NLRP2: variants seen among roughly 807,000 people sequenced by gnomAD.
NLRP2 encodes NACHT, LRR and PYD domains-containing protein 2.
A neutral mutation model predicts 97.2 loss-of-function variants in NLRP2; 107 were observed. The ratio of observed to expected loss-of-function variants is 1.10; its 90% confidence interval spans 0.94 to 1.29. NLRP2 has a LOEUF of 1.29. Ranked by LOEUF, NLRP2 falls within the 50% of genes most tolerant of loss-of-function variation. NLRP2 has a pLI of 0.00. For missense variants in NLRP2, 1,495 were observed against 1,330.3 expected, an observed-to-expected ratio of 1.12 and a Z score of -1.93; for synonymous variants, 663 against 551.5, an observed-to-expected ratio of 1.20 and a Z score of -2.83.
rs761103070 is a variant in NLRP2, at chr19:54,982,500, G to A, written c.802G>A (p.Glu268Lys). The A allele has an allele frequency of 6.2e-7, 1 of 1,614,214 alleles. No homozygotes were observed. The highest frequency in any genetic ancestry group is 2.2e-5 in the East Asian group (1 of 44,886). The change falls in exon 6 of 13, where the codon GAA becomes AAA. Residue 268 changes from glutamate to lysine, a missense_variant. Physicochemically the swap from Glu to Lys is moderately conservative, Grantham distance 56. Coordinates refer to ENST00000448584, the MANE Select transcript of NLRP2 (RefSeq NM_017852.5). ...AGAGCTGGTCTTCAGGGACTGGCCT[G>A]AATTGCAGGATGACATTCCACACAT... The part of the protein sequence containing the change: ...FAELVFRDWP[E>K]LQDDIPHILA...
At chr19:54,980,319 C>T (rs1022020367) in intron 4 of NLRP2, among the ~76,000 whole-genome samples, 8 of 152,048 alleles carry the variant, frequency 5.3e-5, no homozygotes, top group African/African-American at 1.9e-4. Context: ...CCTCAGCCTC[C>T]CCAGTAGCTG....
chr19:54,970,101 T>C lies in NLRP2; in HGVS notation c.86T>C (p.Leu29Pro). The part of the protein sequence containing the change: ...SQDELSKFKY[L>P]ITTFSLAHEL... ...GATGAGTTGAGCAAGTTCAAGTATCTGATCACGACCTTCTCCCTGGCACAC... is the reference window on the plus strand; with the variant it reads ...GATGAGTTGAGCAAGTTCAAGTATCCGATCACGACCTTCTCCCTGGCACAC... The change falls in exon 2 of 13, where the codon CTG becomes CCG. Residue 29 changes from leucine to proline, a missense_variant. Coordinates refer to ENST00000448584, the MANE Select transcript of NLRP2 (RefSeq NM_017852.5). The C allele has an allele frequency of 6.2e-7, 1 of 1,614,104 alleles. No homozygotes were observed. Among genetic ancestry groups the C allele is most frequent in the Non-Finnish European group, 8.5e-7 (1 of 1,180,024 alleles).
At position 54,981,618 on chromosome 19, in the gene NLRP2, G is replaced by C. The variant is rs145145515; in HGVS notation, c.399G>C (p.Ala133=). The change falls in exon 5 of 13, where the codon GCG becomes GCC. Residue 133 remains alanine (A), a splice_region_variant and synonymous_variant. Coordinates refer to ENST00000448584, the MANE Select transcript of NLRP2 (RefSeq NM_017852.5). The stretch of plus-strand genomic sequence containing the variant: ...CTCACATGAGTTTGTATTTTGTAGC[G>C]TTTACAGAAACGAAAGGAAATGTCA... The part of the protein sequence containing the change: ...MLERFKTEAQ[A]FTETKGNVIC... The C allele has an allele frequency of 2.3e-4, 354 of 1,517,590 alleles. No individual in the cohort carries two copies. In the African/African-American group the frequency reaches 3.6e-3, roughly 15 times the overall value. 94.0% of individuals were successfully genotyped at this position (1,517,590 alleles called of 1,614,324 possible).
In NLRP2 at chr19:54,983,698, CTGCG is replaced by C. The variant is rs1568503430; in HGVS notation, c.2002_2005del (p.Ala668LeufsTer33). The C allele has an allele frequency of 6.2e-7, 1 of 1,612,970 alleles. No homozygotes were observed. Among genetic ancestry groups the C allele is most frequent in the South Asian group, 1.1e-5 (1 of 91,036 alleles). ...AAGGAGAATCTCCCGGAGAATGTCA[CTGCG>C]TCTGAATCAGACGCCGAGGTTGAGA... is the stretch of plus-strand genomic sequence containing the variant. On this transcript the variant is annotated frameshift_variant, in exon 6 of 13. Transcript: ENST00000448584. LOFTEE classifies it high-confidence loss of function.
rs1602314242 is a variant in NLRP2, at chr19:54,973,946, G to A, written c.281-554G>A. On this transcript the variant is annotated intron_variant, in intron 2 of 12. Coordinates refer to ENST00000448584, the MANE Select transcript of NLRP2 (RefSeq NM_017852.5). ...GTAGTGTTATGACAGGAAGCAGAGT[G>A]GCTATGGTGGGCAGACTAAGCCGAT... is the stretch of plus-strand genomic sequence containing the variant. 1.1e-5 allele frequency: 9 copies of A among 850,272 alleles called. No individual in the cohort carries two copies. The East Asian group carries it at 2.6e-4, about 25-fold the overall frequency. The allele number at this position is 850,272 out of a possible 1,614,324, so 52.7% of individuals were successfully genotyped here. A position where few individuals can be genotyped will look rare whatever the true frequency, so the allele number is the denominator to read the frequency against.
rs749684265 is a variant in NLRP2, at chr19:54,976,810, C to CT, written c.326-941dup. On this transcript the variant is annotated intron_variant, in intron 3 of 12. Transcript: ENST00000448584. ...TTATTAGGATTCCACCTTGTTCTCT[C>CT]TCTTTTTTTTTTTTTTTTTGATACG... The CT allele has an allele frequency of 2.4e-3, 757 of 319,916 alleles. 53 individuals are homozygous for CT. The highest frequency in any genetic ancestry group is 0.011 in the African/African-American group (279 of 24,730). 19.8% of individuals were successfully genotyped at this position (319,916 alleles called of 1,614,324 possible).
intron 6 of NLRP2, among the ~76,000 whole-genome samples, chr19:54,984,349 T>TTTTTTTTTTTTTTTTTC: frequency 7.5e-6 from 1 of 132,886 alleles, no homozygotes; most frequent in Non-Finnish European, 1.5e-5. Context: ...TTTTTTTTTT[T>TTTTTTTTTTTTTTTTTC]TTTGGAAAGA....
At chr19:54,979,811 CTG>C (rs1281501202) in intron 4 of NLRP2, among the ~76,000 whole-genome samples, 6 of 152,076 alleles carry the variant, frequency 3.9e-5, no homozygotes, top group Non-Finnish European at 8.8e-5. Context: ...GAGTCTCACT[CTG>C]TTGCCCAGAC....
chr19:54,974,990 G>A (rs377254531), intron 3 of NLRP2, among the ~76,000 whole-genome samples: 2 of 151,614 alleles, frequency 1.3e-5, no homozygotes, highest in South Asian at 2.1e-4. Flanking sequence ...TTGTAGAGAT[G>A]GGGTTTCACC....
intron 3 of NLRP2, chr19:54,976,927 G>GC: frequency 2.6e-6 from 1 of 387,378 alleles, no homozygotes; most frequent in Non-Finnish European, 5.0e-6. Flanking sequence ...CAATTCCCTT[G>GC]CCTCAGCCTC....
In NLRP2 at chr19:54,983,682, C is replaced by G; in HGVS notation, c.1984C>G (p.Leu662Val). ...KMSLQVIKENLPENVTASESD... is the reference protein window; with the variant it reads ...KMSLQVIKENVPENVTASESD... ...GTCACTGCAGGTAATAAAGGAGAAT[C>G]TCCCGGAGAATGTCACTGCGTCTGA... Residue 662 changes from leucine (L) to valine (V), a missense_variant, in exon 6 of 13, where the codon CTC (leucine) becomes GTC (valine). Leu to Val is a conservative substitution (Grantham distance 32). Coordinates refer to ENST00000448584, the MANE Select transcript of NLRP2 (RefSeq NM_017852.5). 6.2e-7 allele frequency: 1 copy of G among 1,613,802 alleles called. No individual in the cohort carries two copies. The highest frequency in any genetic ancestry group is 8.5e-7 in the Non-Finnish European group (1 of 1,180,026).
chr19:54,994,735 C>A (rs542769429), intron 11 of NLRP2, among the ~76,000 whole-genome samples: 2 of 151,794 alleles, frequency 1.3e-5, no homozygotes, highest in South Asian at 4.2e-4. Flanking sequence ...TTCAGCTTCC[C>A]GAGTAGCTGG....
intron 11 of NLRP2, among the ~76,000 whole-genome samples, chr19:54,994,793 T>C (rs1349722108): frequency 6.6e-6 from 1 of 151,600 alleles, no homozygotes. Flanking sequence ...GTATTTTTAG[T>C]AGAGACAGGG....
intron 4 of NLRP2, 108 bp from the exon 5 acceptor site, chr19:54,981,509 G>GCCAC: frequency 7.8e-6 from 3 of 386,504 alleles, no homozygotes; most frequent in South Asian, 2.1e-5. Context: ...CTGATCCCGT[G>GCCAC]CCCCCCCTCC....
chr19:54,995,975 A>G (rs954578149), intron 11 of NLRP2, among the ~76,000 whole-genome samples: 3 of 146,992 alleles, frequency 2.0e-5, no homozygotes, highest in Non-Finnish European at 4.5e-5. Context: ...GGGAGGAAGA[A>G]GTTACAGCGA....
chr19:54,992,512 GGTGTGTGGT>G lies in NLRP2; in HGVS notation c.2709-1747_2709-1739del, dbSNP rs201603547. 7.1e-3 allele frequency among the ~76,000 whole-genome samples: 979 copies of G among 138,262 alleles called. 14 individuals carry two copies. Among genetic ancestry groups the G allele is most frequent in the African/African-American group, 0.025 (912 of 35,864 alleles). The allele number at this position is 138,262 out of a possible 152,430, so 90.7% of individuals were successfully genotyped here. A position where few individuals can be genotyped will look rare whatever the true frequency, so the allele number is the denominator to read the frequency against. ...AGTTTTTTTGGTTGTGTGTGTGTGTGGTGTGTGGTGTGTGTGGTATTTTTTTGGGGGGGG... is the reference window on the plus strand; with the variant it reads ...AGTTTTTTTGGTTGTGTGTGTGTGTGGTGTGTGGTATTTTTTTGGGGGGGG... On this transcript the variant is annotated intron_variant, in intron 10 of 12. Transcript: ENST00000448584.
intron 12 of NLRP2, among the ~76,000 whole-genome samples, chr19:54,998,538 A>AGTTTGTTT (rs150262560): frequency 0.016 from 2,357 of 144,826 alleles, 74 homozygotes; most frequent in African/African-American, 0.057. Flanking sequence ...TTAAGCTTTA[A>AGTTTGTTT]GTTTGTTTGT....
At chr19:54,986,975 C>T (rs1216064721) in intron 8 of NLRP2, among the ~76,000 whole-genome samples, 12 of 152,042 alleles carry the variant, frequency 7.9e-5, no homozygotes. Context: ...GCCTCCACCT[C>T]CCAGGTTCAA....
intron 11 of NLRP2, among the ~76,000 whole-genome samples, chr19:54,996,942 C>G (rs1408808911): frequency 6.6e-6 from 1 of 152,096 alleles, no homozygotes; most frequent in Admixed American, 6.6e-5. Flanking sequence ...GAGTCTCACT[C>G]TGTCACCCAG....
Sources: allele counts gnomAD v4.1 joint callset (sites outside exome capture counted in the v4.1 genomes callset), GRCh38; gene constraint gnomAD v4.1.1; transcripts MANE v1.5; gene names NCBI Gene and HGNC (gene_info 2026-07-23, HGNC 2026-07-21).